Variants in MROH9 observed in about 807,000 individuals in gnomAD.
MROH9 encodes the protein maestro heat-like repeat-containing protein family member 9.
Under a neutral mutation model 98.2 loss-of-function variants are expected in MROH9, and 92 were observed. The ratio of observed to expected loss-of-function variants is 0.94; its 90% CI spans 0.79 to 1.11. The LOEUF (loss-of-function observed/expected upper bound fraction) is 1.11. Ranked by LOEUF, MROH9 falls within the 50% of genes most tolerant of loss-of-function variation. The probability of loss-of-function intolerance (pLI) is 0.00; values close to 1 mark genes in which losing one functional copy is unlikely to be tolerated. For missense variants in MROH9, 1,057 were observed against 1,014.8 expected, an observed-to-expected ratio of 1.04 and a Z score of -0.57; for synonymous variants, 397 against 368.9, an observed-to-expected ratio of 1.08 and a Z score of -0.87.
chr1:171,024,839 C>A, intron 19 of MROH9, 74 bp downstream of exon 19: 2 of 877,828 alleles, frequency 2.3e-6, no homozygotes, highest in Non-Finnish European at 3.6e-6. Flanking sequence ...GTGATAAAAA[C>A]TGTAATGGGG....
chr1:170,951,299 T>C (rs1157432036), intron 3 of MROH9, among the ~76,000 whole-genome samples: 3 of 152,262 alleles, frequency 2.0e-5, no homozygotes, highest in East Asian at 1.9e-4. Context: ...ACAGGAATAA[T>C]AGGAGTTAGT....
intron 1 of MROH9, among the ~76,000 whole-genome samples, chr1:170,939,140 A>G (rs1649015924): frequency 1.3e-5 from 2 of 152,204 alleles, no homozygotes; most frequent in African/African-American, 4.8e-5. Flanking sequence ...ACTTTTTGCT[A>G]ATTCTGAGAT....
intron 13 of MROH9, 27 bp downstream of exon 13, chr1:170,995,558 T>G: frequency 6.2e-7 from 1 of 1,610,942 alleles, no homozygotes; most frequent in Non-Finnish European, 8.5e-7. Context: ...TATTTCAGAT[T>G]AAATAAGAGA....
At chr1:170,968,285 G>A (rs992673353) in intron 7 of MROH9, among the ~76,000 whole-genome samples, 3 of 152,148 alleles carry the variant, frequency 2.0e-5, no homozygotes, top group Non-Finnish European at 4.4e-5. Flanking sequence ...ACATTGTCCC[G>A]CATTCCTCTT....
In MROH9 at chr1:171,062,140, G is replaced by T; in HGVS notation, c.2290G>T (p.Ala764Ser). ...RASVILIGYL[A>S]KSGGHLLLRD... ...TTTTATTATGTGCATAGGATATTTG[G>T]CAAAATCAGGTGGTCATTTACTGCT... Residue 764 changes from alanine to serine, a missense_variant, in exon 21 of 22, where the codon GCA becomes TCA. Physicochemically the swap from Ala to Ser is moderately conservative, Grantham distance 99. Coordinates refer to ENST00000367759, the MANE Select transcript of MROH9 (RefSeq NM_001163629.2). 1.3e-6 allele frequency: 2 copies of T among 1,546,838 alleles called. No homozygotes were observed. The highest frequency in any genetic ancestry group is 1.8e-6 in the Non-Finnish European group (2 of 1,142,794).
chr1:170,954,603 C>A (rs934388765), intron 3 of MROH9, among the ~76,000 whole-genome samples: 1 of 151,814 alleles, frequency 6.6e-6, no homozygotes, highest in African/African-American at 2.4e-5. Context: ...GTTTTCATGC[C>A]AATTTACGTT....
chr1:171,025,794 T>C (rs1652689948), intron 20 of MROH9, among the ~76,000 whole-genome samples: 1 of 151,970 alleles, frequency 6.6e-6, no homozygotes, highest in South Asian at 2.1e-4. Flanking sequence ...AACCACAAAC[T>C]ACAATAGATG....
chr1:170,956,203 G>A (rs1188618408), intron 3 of MROH9, among the ~76,000 whole-genome samples: 1 of 152,132 alleles, frequency 6.6e-6, no homozygotes, highest in African/African-American at 2.4e-5. Context: ...GTACCATGCT[G>A]TTTTGGTGAC....
intron 17 of MROH9, among the ~76,000 whole-genome samples, chr1:171,018,964 G>A (rs754051261): frequency 6.6e-6 from 1 of 152,146 alleles, no homozygotes; most frequent in Non-Finnish European, 1.5e-5. Context: ...GGATCAAGTG[G>A]ACCCAATAGA....
chr1:171,002,442 G>A (rs1173228306), intron 15 of MROH9, among the ~76,000 whole-genome samples: 1 of 152,062 alleles, frequency 6.6e-6, no homozygotes, highest in Non-Finnish European at 1.5e-5. Flanking sequence ...TCTTGTAGTG[G>A]TAGCTTGGTA....
chr1:171,034,959 A>G (rs1258794121), intron 20 of MROH9, among the ~76,000 whole-genome samples: 1 of 152,188 alleles, frequency 6.6e-6, no homozygotes, highest in Admixed American at 6.5e-5. Flanking sequence ...TGGGCTGCCT[A>G]ACGAAAGGTG....
intron 8 of MROH9, among the ~76,000 whole-genome samples, chr1:170,977,235 G>A (rs1372669444): frequency 6.6e-6 from 1 of 152,026 alleles, no homozygotes; most frequent in Non-Finnish European, 1.5e-5. Context: ...TTATATTTCT[G>A]TCATTTCAGT....
Sources: gnomAD v4.1 joint callset for allele counts (sites outside exome capture counted in the v4.1 genomes callset) on GRCh38, gnomAD v4.1.1 for gene constraint, MANE v1.5 for transcripts, NCBI Gene and HGNC (gene_info 2026-07-23, HGNC 2026-07-21) for gene names.